The following SORT1 variants were observed in gnomAD, a reference collection of about 807,000 sequenced individuals.
The protein encoded by SORT1 is sortilin.
Under a neutral mutation model 101.7 loss-of-function variants are expected in SORT1, and 39 were observed. The observed-to-expected ratio is 0.38, with a 90% CI of 0.30 to 0.50. The LOEUF (loss-of-function observed/expected upper bound fraction) is 0.50, where lower values mean the gene tolerates loss of function less well. SORT1 is among the 20% of genes least tolerant of loss of function. The probability of loss-of-function intolerance (pLI) is 0.90; values close to 1 mark genes in which losing one functional copy is unlikely to be tolerated. For missense variants in SORT1, 878 were observed against 1,040.4 expected (o/e 0.84, Z 2.15); for synonymous variants, 396 against 393.7 (o/e 1.01, Z -0.07).
chr1:109,319,937 T>A (rs1191249832), intron 15 of SORT1, among the ~76,000 whole-genome samples: 1 of 151,726 alleles, frequency 6.6e-6, no homozygotes, highest in Non-Finnish European at 1.5e-5. Flanking sequence ...ATCATCAAAT[T>A]CAGTGGAGCC....
At position 109,322,301 on chromosome 1, in the gene SORT1, T is replaced by C. The variant is rs12043187; in HGVS notation, c.2024+631A>G. On this transcript the variant is annotated intron_variant, in intron 15 of 19. Coordinates refer to ENST00000256637, the MANE Select transcript of SORT1 (RefSeq NM_002959.7). ...TCTACCACTTCTTTTGGTGTTTCTG[T>C]CTTTTCATTTTCTACAGATTTTTGT... 8.4e-4 allele frequency among the ~76,000 whole-genome samples: 128 copies of C among 152,278 alleles called. 1 individual carries two copies. The East Asian group carries it at 0.015, about 17-fold the overall frequency.
chr1:109,367,577 A>G, intron 2 of SORT1, 96 bp from the exon 3 acceptor site: 5 of 742,786 alleles, frequency 6.7e-6, no homozygotes, highest in South Asian at 4.9e-5. Context: ...AAGACTTTTG[A>G]TATCCCTACT....
intron 3 of SORT1, among the ~76,000 whole-genome samples, chr1:109,358,852 T>TAAAAA (rs745825760): frequency 7.7e-6 from 1 of 130,704 alleles, no homozygotes; most frequent in Non-Finnish European, 1.7e-5. Context: ...GACTCCGTCT[T>TAAAAA]AAAAAAAAAA....
At chr1:109,329,001 T>G (rs528298280) in intron 11 of SORT1, among the ~76,000 whole-genome samples, 120 of 152,132 alleles carry the variant, frequency 7.9e-4, no homozygotes, top group Non-Finnish European at 1.4e-3. Context: ...CCCTAGTGGA[T>G]TCCACTGCCA....
chr1:109,349,593 C>A (rs1173526586), intron 6 of SORT1, among the ~76,000 whole-genome samples: 3 of 151,724 alleles, frequency 2.0e-5, no homozygotes, highest in African/African-American at 7.3e-5. Flanking sequence ...TAGTGAGACC[C>A]CCTATCTCTA....
At chr1:109,366,874 T>C (rs1356564743) in intron 3 of SORT1, 1 of 150,830 alleles carries the variant, frequency 6.6e-6, no homozygotes, top group East Asian at 2.0e-4. Flanking sequence ...TTTGCGCCAC[T>C]GCTCTCCAGC....
In SORT1 at chr1:109,397,826, G is replaced by C; in HGVS notation, c.67C>G (p.Leu23Val). 1 of 1,300,888 alleles carries C rather than the reference G, an allele frequency of 7.7e-7. No homozygotes were observed. Among genetic ancestry groups the C allele is most frequent in the Non-Finnish European group, 9.9e-7 (1 of 1,014,132 alleles). The allele number at this position is 1,300,888 out of a possible 1,614,324, so 80.6% of individuals were successfully genotyped here. The change falls in exon 1 of 20, where the codon CTC becomes GTC. Residue 23 changes from leucine (L) to valine (V), a missense_variant. Leu to Val is a conservative substitution (Grantham distance 32). This residue lies in a region of SORT1 where 194 missense variants were observed against 145.9 expected (regional missense o/e 1.33). Transcript: ENST00000256637. ...GTCGACGGCGGCAGCAGCTGCAGGA[G>C]GAGGAGGAGGCCGAGGCCATGGGGC... ...RWPHGLGLLLLLQLLPPSTLS... is the reference protein window; with the variant it reads ...RWPHGLGLLLVLQLLPPSTLS...
chr1:109,331,832 A>C (rs1013754168), intron 11 of SORT1, among the ~76,000 whole-genome samples: 5 of 152,060 alleles, frequency 3.3e-5, no homozygotes, highest in African/African-American at 7.2e-5. Context: ...TAAATTCAAA[A>C]AAGTTGCAGA....
chr1:109,355,497 T>G, intron 3 of SORT1, 28 bp from the exon 4 acceptor site: 5 of 1,015,776 alleles, frequency 4.9e-6, no homozygotes, highest in Non-Finnish European at 7.9e-6. Flanking sequence ...AGGGCAAATT[T>G]AGGGTGCAGT....
intron 7 of SORT1, 96 bp downstream of exon 7, chr1:109,347,387 T>C (rs773020139): frequency 7.1e-5 from 56 of 791,120 alleles, no homozygotes; most frequent in Admixed American, 1.8e-4. Context: ...TTCAGGAGAA[T>C]GGAGGGACCT....
chr1:109,333,770 AAAAGGG>A (rs1478044342), intron 11 of SORT1, among the ~76,000 whole-genome samples: 2 of 152,252 alleles, frequency 1.3e-5, no homozygotes, highest in African/African-American at 4.8e-5. Context: ...GGACATGGAA[AAAAGGG>A]AACCCTGTAC....
intron 3 of SORT1, among the ~76,000 whole-genome samples, chr1:109,365,728 T>C (rs1651040074): frequency 1.3e-5 from 2 of 152,236 alleles, no homozygotes; most frequent in Admixed American, 6.5e-5. Flanking sequence ...GGACCCCAGT[T>C]AGTCAAGAAC....
At chr1:109,350,845 G>A (rs755657817) in intron 6 of SORT1, 84 bp downstream of exon 6, 9 of 916,988 alleles carry the variant, frequency 9.8e-6, no homozygotes, top group Non-Finnish European at 1.7e-5. Flanking sequence ...CACAGTAAGT[G>A]CTCAATATTT....
At position 109,318,350 on chromosome 1, in the gene SORT1, C is replaced by T. The variant is rs183851432; in HGVS notation, c.2025-381G>A. Among the ~76,000 whole-genome samples, 69 of 152,238 alleles carry T rather than the reference C, an allele frequency of 4.5e-4. No homozygotes were observed. In the East Asian group the frequency reaches 0.012, roughly 26 times the overall value. ...TATTTTTAGTAGAGAGAGCGTTTCA[C>T]CATGTTGGTCAGGCTGGTCTCAAAC... is the stretch of plus-strand genomic sequence containing the variant. On this transcript the variant is annotated intron_variant, in intron 15 of 19. Coordinates refer to ENST00000256637, the MANE Select transcript of SORT1 (RefSeq NM_002959.7).
chr1:109,344,195 C>T (rs1189611906), intron 8 of SORT1, among the ~76,000 whole-genome samples: 2 of 152,228 alleles, frequency 1.3e-5, no homozygotes, highest in East Asian at 3.8e-4. Flanking sequence ...CAAGCTACCA[C>T]CTCCCCAGCT....
At chr1:109,375,608 G>T (rs1482042319) in intron 1 of SORT1, among the ~76,000 whole-genome samples, 4 of 142,820 alleles carry the variant, frequency 2.8e-5, no homozygotes, top group African/African-American at 1.0e-4. Context: ...TAAACCCAGA[G>T]ATCCAAGAAG....
chr1:109,328,039 G>C (rs1648203579), intron 11 of SORT1, among the ~76,000 whole-genome samples: 1 of 152,100 alleles, frequency 6.6e-6, no homozygotes, highest in Non-Finnish European at 1.5e-5. Flanking sequence ...TGTATTAATA[G>C]CATATGTCAG....
chr1:109,397,002 C>T (rs1227323325), intron 1 of SORT1, among the ~76,000 whole-genome samples: 4 of 152,212 alleles, frequency 2.6e-5, no homozygotes. Flanking sequence ...AATCTTGTCA[C>T]CACGGGATAT....
intron 6 of SORT1, among the ~76,000 whole-genome samples, chr1:109,348,101 T>C (rs978448334): frequency 2.6e-5 from 4 of 152,278 alleles, no homozygotes; most frequent in African/African-American, 9.6e-5. Context: ...TACTATACTT[T>C]GCTGTTTCCC....
Sources: gnomAD v4.1 joint callset for allele counts (sites outside exome capture counted in the v4.1 genomes callset) on GRCh38, gnomAD v4.1.1 for gene constraint, gnomAD v4.1.1 regional missense constraint, MANE v1.5 for transcripts, NCBI Gene and HGNC (gene_info 2026-07-23, HGNC 2026-07-21) for gene names.